The following GALNT1 variants were observed in gnomAD, a reference collection of about 807,000 sequenced individuals.
The protein encoded by GALNT1 is polypeptide N-acetylgalactosaminyltransferase 1.
In GALNT1, 17 loss-of-function variants were observed where a neutral mutation model predicts 65.7. The observed-to-expected ratio is 0.26, with a 90% confidence interval of 0.18 to 0.39. The LOEUF is 0.39. Among genes scored for constraint, GALNT1 ranks in the 10% least tolerant of loss-of-function variants. The pLI is 1.00. For synonymous variants in GALNT1, 210 were observed against 219.7 expected (o/e 0.96, Z 0.39); for missense variants, 460 against 672.8 (o/e 0.68, Z 3.50).
rs2046940186 is a variant in GALNT1, at chr18:35,627,921, A to G, written c.-103-26639A>G. Among the ~76,000 whole-genome samples, 3 of 151,812 alleles carry G rather than the reference A, an allele frequency of 2.0e-5. No individual in the cohort carries two copies. The East Asian group carries it at 5.8e-4, about 29-fold the overall frequency. On this transcript the variant is annotated intron_variant, in intron 1 of 11. Transcript: ENST00000269195. ...AGCAAACGGCACACCAGGAGATTAT[A>G]TCCCGTGCCTGGCTCGGAGGGTCCT...
upstream of GALNT1, chr18:35,581,631 A>AG (rs1195786018): frequency 0.05 from 11 of 222 alleles, no homozygotes; most frequent in East Asian, 0.5. Flanking sequence ...CGAGCCCGCG[A>AG]GCGGGGCGCC....
chr18:35,703,970 A>C (rs189883042), intron 11 of GALNT1, among the ~76,000 whole-genome samples: 1 of 152,316 alleles, frequency 6.6e-6, no homozygotes, highest in East Asian at 1.9e-4. Flanking sequence ...AAAATTACTT[A>C]ATTAAACACT....
Position 35,631,491 on chromosome 18 carries a change from C to T in GALNT1, c.-103-23069C>T, listed in dbSNP as rs201672905. ...TCTCAATAGATGCAGAAAAGGCCTT[C>T]GACAAAATTCAACAGCCTTTCATGC... is the stretch of plus-strand genomic sequence containing the variant. On this transcript the variant is annotated intron_variant, in intron 1 of 11. Coordinates refer to ENST00000269195, the MANE Select transcript of GALNT1 (RefSeq NM_020474.4). 8.5e-3 allele frequency among the ~76,000 whole-genome samples: 1,299 copies of T among 152,034 alleles called. 18 individuals carry two copies. Among genetic ancestry groups the T allele is most frequent in the East Asian group, 0.029 (150 of 5,168 alleles).
At position 35,655,546 on chromosome 18, in the gene GALNT1, C is replaced by T. The variant is rs566307959; in HGVS notation, c.139+745C>T. Among the ~76,000 whole-genome samples the T allele has an allele frequency of 4.1e-5, 6 of 147,114 alleles. No individual in the cohort carries two copies. The South Asian group carries it at 1.3e-3, about 32-fold the overall frequency. ...AACCATAATGAAAATGACTGCATTGCAAGAGTCAGTAATCCAGTTGTTCTG... is the reference window on the plus strand; with the variant it reads ...AACCATAATGAAAATGACTGCATTGTAAGAGTCAGTAATCCAGTTGTTCTG... On this transcript the variant is annotated intron_variant, in intron 2 of 11. Coordinates refer to ENST00000269195, the MANE Select transcript of GALNT1 (RefSeq NM_020474.4).
At chr18:35,621,112 T>C (rs1239631989) in intron 1 of GALNT1, among the ~76,000 whole-genome samples, 1 of 152,134 alleles carries the variant, frequency 6.6e-6, no homozygotes, top group Non-Finnish European at 1.5e-5. Flanking sequence ...TTATGATTCT[T>C]TGTCTATGAT....
intron 1 of GALNT1, among the ~76,000 whole-genome samples, chr18:35,597,905 C>G (rs2046524636): frequency 6.6e-6 from 1 of 151,862 alleles, no homozygotes; most frequent in Non-Finnish European, 1.5e-5. Flanking sequence ...TAAGACTTCA[C>G]TTCTAGCTGT....
intron 1 of GALNT1, among the ~76,000 whole-genome samples, chr18:35,593,141 C>G (rs547641379): frequency 6.6e-6 from 1 of 152,210 alleles, no homozygotes; most frequent in Admixed American, 6.5e-5. Context: ...ATCTATGTGG[C>G]ACACGGAGGT....
At chr18:35,584,564 A>G (rs889802746) in intron 1 of GALNT1, among the ~76,000 whole-genome samples, 1 of 152,154 alleles carries the variant, frequency 6.6e-6, no homozygotes, top group African/African-American at 2.4e-5. Flanking sequence ...CTGTTTGTTC[A>G]TTTATTCAAT....
chr18:35,605,426 A>G (rs2046633879), intron 1 of GALNT1, among the ~76,000 whole-genome samples: 1 of 150,774 alleles, frequency 6.6e-6, no homozygotes, highest in Non-Finnish European at 1.5e-5. Flanking sequence ...TGAACTGAGG[A>G]GGCGGAGGTT....
chr18:35,655,243 A>AGTT (rs954674908), intron 2 of GALNT1, among the ~76,000 whole-genome samples: 8 of 151,898 alleles, frequency 5.3e-5, no homozygotes, highest in African/African-American at 9.7e-5. Flanking sequence ...GATCTGTAGA[A>AGTT]GTTGTTGTTG....
At chr18:35,600,950 A>G (rs538073733) in intron 1 of GALNT1, among the ~76,000 whole-genome samples, 1 of 152,146 alleles carries the variant, frequency 6.6e-6, no homozygotes, top group East Asian at 1.9e-4. Flanking sequence ...ATGGTAGCCT[A>G]ACAGAATGAG....
chr18:35,584,940 G>T (rs2046363085), intron 1 of GALNT1, among the ~76,000 whole-genome samples: 1 of 152,206 alleles, frequency 6.6e-6, no homozygotes, highest in Non-Finnish European at 1.5e-5. Context: ...CCTGTATGGA[G>T]CGATTAATGT....
chr18:35,606,270 C>T lies in GALNT1; in HGVS notation c.-104+24408C>T, dbSNP rs148552716. On this transcript the variant is annotated intron_variant, in intron 1 of 11. Coordinates refer to ENST00000269195, the MANE Select transcript of GALNT1 (RefSeq NM_020474.4). ...CACTTGGCCAAAACAAGTCACGTGA[C>T]TAACCTATATTTCTAGGGGATGGAA... 1.4e-4 allele frequency among the ~76,000 whole-genome samples: 22 copies of T among 152,000 alleles called. No individual in the cohort carries two copies. The East Asian group carries it at 3.7e-3, about 25-fold the overall frequency.
At chr18:35,631,702 G>T (rs1227989224) in intron 1 of GALNT1, among the ~76,000 whole-genome samples, 1 of 152,072 alleles carries the variant, frequency 6.6e-6, no homozygotes, top group Non-Finnish European at 1.5e-5. Context: ...GGAAGTTCTG[G>T]CCAGGGCAAT....
chr18:35,622,378 A>G (rs1393152473), intron 1 of GALNT1, among the ~76,000 whole-genome samples: 1 of 152,062 alleles, frequency 6.6e-6, no homozygotes, highest in Non-Finnish European at 1.5e-5. Context: ...CAACCTCCCA[A>G]GTAGCTGGGA....
chr18:35,634,557 T>A (rs1011313958), intron 1 of GALNT1, among the ~76,000 whole-genome samples: 1 of 152,112 alleles, frequency 6.6e-6, no homozygotes, highest in Non-Finnish European at 1.5e-5. Flanking sequence ...TCACACAGGA[T>A]GTACATAATT....
At chr18:35,667,329 C>T (rs936728207) in intron 3 of GALNT1, among the ~76,000 whole-genome samples, 6 of 152,094 alleles carry the variant, frequency 3.9e-5, no homozygotes, top group East Asian at 1.9e-4. Context: ...TGTCGACACC[C>T]GTGTGGTTTA....
At chr18:35,605,559 T>C (rs1338346677) in intron 1 of GALNT1, among the ~76,000 whole-genome samples, 1 of 152,084 alleles carries the variant, frequency 6.6e-6, no homozygotes, top group Non-Finnish European at 1.5e-5. Flanking sequence ...ATTTTTATTT[T>C]TTAAAACTCT....
chr18:35,643,022 G>A (rs1259961758), intron 1 of GALNT1, among the ~76,000 whole-genome samples: 1 of 152,060 alleles, frequency 6.6e-6, no homozygotes, highest in Non-Finnish European at 1.5e-5. Context: ...TCAGGCCAAG[G>A]AGTCAGGTCC....
Sources: allele counts gnomAD v4.1 joint callset (sites outside exome capture counted in the v4.1 genomes callset), GRCh38; gene constraint gnomAD v4.1.1; transcripts MANE v1.5; gene names NCBI Gene and HGNC (gene_info 2026-07-23, HGNC 2026-07-21).